The following IGSF10 variants were observed in gnomAD, a reference collection of about 807,000 sequenced individuals.
IGSF10 encodes the protein immunoglobulin superfamily member 10.
A neutral mutation model predicts 128.2 loss-of-function variants in IGSF10; 126 were observed. The observed-to-expected ratio is 0.98, with a 90% CI of 0.85 to 1.14. IGSF10 has a LOEUF of 1.14. IGSF10 is among the 50% of genes most tolerant of loss of function. IGSF10 has a pLI of 0.00. For missense variants in IGSF10, 3,295 were observed against 3,149.8 expected (o/e 1.05, Z -1.10); for synonymous variants, 1,185 against 1,146.2 (o/e 1.03, Z -0.68).
the IGSF10 span, among the ~76,000 whole-genome samples, chr3:151,562,895 G>T: frequency 6.6e-6 from 1 of 152,196 alleles, no homozygotes. Flanking sequence ...CACTTGTAAA[G>T]ATCATGGAGT....
intron 7 of IGSF10, 76 bp downstream of exon 7, chr3:151,442,908 G>T: frequency 1.5e-6 from 2 of 1,349,400 alleles, no homozygotes; most frequent in Non-Finnish European, 2.0e-6. Context: ...GCCTCACTGT[G>T]TCACTTTTTC....
At chr3:151,619,709 A>G in the IGSF10 span, among the ~76,000 whole-genome samples, 57 of 152,110 alleles carry the variant, frequency 3.7e-4, no homozygotes, top group Non-Finnish European at 7.6e-4. Context: ...GGCAGGGTTG[A>G]GAGGTGGAAT....
chr3:151,531,855 G>A, the IGSF10 span, among the ~76,000 whole-genome samples: 1 of 152,016 alleles, frequency 6.6e-6, no homozygotes, highest in Non-Finnish European at 1.5e-5. Flanking sequence ...GAAGGAGATA[G>A]AGACCTGAAA....
chr3:151,535,667 CATATAT>C, the IGSF10 span, among the ~76,000 whole-genome samples: 10 of 151,922 alleles, frequency 6.6e-5, no homozygotes, highest in South Asian at 8.3e-4. Context: ...CAATAAATTA[CATATAT>C]ATAAAGTATG....
At position 151,443,308 on chromosome 3, in the gene IGSF10, T is replaced by G; in HGVS notation, c.5639A>C (p.Asp1880Ala). The part of the protein sequence containing the change: ...PQPSVYWVLS[D>A]GTEVKPLQFT... ...CTGTAATGGTTTCACTTCAGTGCCATCAGAGAGGACCCAGTAAACGCTGGG... is the reference window on the plus strand; with the variant it reads ...CTGTAATGGTTTCACTTCAGTGCCAGCAGAGAGGACCCAGTAAACGCTGGG... Residue 1880 changes from aspartate to alanine, a missense_variant, in exon 7 of 8, where the codon GAT (aspartate) becomes GCT (alanine). Coordinates refer to ENST00000282466, the MANE Select transcript of IGSF10 (RefSeq NM_178822.5). 1 of 1,614,150 alleles carries G rather than the reference T, an allele frequency of 6.2e-7. No homozygotes were observed. The highest frequency in any genetic ancestry group is 8.5e-7 in the Non-Finnish European group (1 of 1,179,984).
chr3:151,463,525 T>TG (rs1560185415), upstream of IGSF10, among the ~76,000 whole-genome samples: 19 of 50,532 alleles, frequency 3.8e-4, no homozygotes, highest in Non-Finnish European at 6.4e-4. Context: ...ATTTTCTGGT[T>TG]TTTTTTTTTT....
Position 151,448,551 on chromosome 3 carries a change from C to G in IGSF10, c.1430G>C (p.Arg477Thr). 6.2e-7 allele frequency: 1 copy of G among 1,614,200 alleles called. No homozygotes were observed. Among genetic ancestry groups the G allele is most frequent in the South Asian group, 1.1e-5 (1 of 91,080 alleles). Residue 477 changes from arginine (R) to threonine (T), a missense_variant, in exon 6 of 8, where the codon AGG (arginine) becomes ACG (threonine). Arg to Thr is a moderately conservative substitution (Grantham distance 71, BLOSUM62 -1). Coordinates refer to ENST00000282466, the MANE Select transcript of IGSF10 (RefSeq NM_178822.5). The part of the protein sequence containing the change: ...PVKHKWTMIS[R>T]DNNTKLEHTV... ...ATGTTCCAGCTTAGTATTGTTATCCCTTGAAATCATAGTCCATTTGTGTTT... is the reference window on the plus strand; with the variant it reads ...ATGTTCCAGCTTAGTATTGTTATCCGTTGAAATCATAGTCCATTTGTGTTT...
the IGSF10 span, among the ~76,000 whole-genome samples, chr3:151,568,495 G>A: frequency 5.3e-5 from 8 of 152,178 alleles, no homozygotes; most frequent in East Asian, 1.9e-4. Flanking sequence ...CCTGAATCAC[G>A]ATTTGATTTA....
the IGSF10 span, among the ~76,000 whole-genome samples, chr3:151,525,472 C>G: frequency 1.3e-5 from 2 of 151,628 alleles, no homozygotes; most frequent in Admixed American, 6.6e-5. Flanking sequence ...TAAAAGAACA[C>G]AAGTCTATTA....
the IGSF10 span, among the ~76,000 whole-genome samples, chr3:151,562,392 G>T: frequency 5.9e-5 from 9 of 152,128 alleles, no homozygotes; most frequent in Non-Finnish European, 1.2e-4. Flanking sequence ...TGCCTATGGA[G>T]TAGCCATTCT....
chr3:151,562,537 T>C, the IGSF10 span, among the ~76,000 whole-genome samples: 698 of 152,232 alleles, frequency 4.6e-3, 4 homozygotes, highest in African/African-American at 0.016. Context: ...AGTTTTACTC[T>C]AGTATAAAGA....
In IGSF10 at chr3:151,460,267, T is replaced by C; in HGVS notation, c.-8A>G. On this transcript the variant is annotated 5_prime_UTR_variant, in exon 2 of 8. Transcript: ENST00000282466. ...AAATAGGAATTGGCAATACCTGAGC[T>C]CTTCTTTCAGGTCCTGAGTCCTCTT... is the stretch of plus-strand genomic sequence containing the variant. 1.0e-6 allele frequency: 1 copy of C among 957,262 alleles called. No individual in the cohort carries two copies. The highest frequency in any genetic ancestry group is 1.2e-6 in the Non-Finnish European group (1 of 804,206). The allele number at this position is 957,262 out of a possible 1,614,324, so 59.3% of individuals were successfully genotyped here.
At position 151,446,926 on chromosome 3, in the gene IGSF10, T is replaced by G; in HGVS notation, c.3055A>C (p.Arg1019=). 4 of 1,614,192 alleles carry G rather than the reference T, an allele frequency of 2.5e-6. No homozygotes were observed. Among genetic ancestry groups the G allele is most frequent in the Non-Finnish European group, 3.4e-6 (4 of 1,180,014 alleles). Residue 1019 remains arginine, a synonymous_variant, in exon 6 of 8, where the codon AGG becomes CGG. Coordinates refer to ENST00000282466, the MANE Select transcript of IGSF10 (RefSeq NM_178822.5). ...CTATATGGGCTGATAATCCGCCCCCTTCCGCCAATTTTCCTCTGCCTCCCA... is the reference window on the plus strand; with the variant it reads ...CTATATGGGCTGATAATCCGCCCCCGTCCGCCAATTTTCCTCTGCCTCCCA... ...RFGRQRKIGG[R]GRIISPYRTP... is the part of the protein sequence containing the mutation.
Position 151,458,688 on chromosome 3 carries a change from T to C in IGSF10, c.22A>G (p.Ile8Val). The change falls in exon 3 of 8, where the codon ATC becomes GTC. Residue 8 changes from isoleucine (I) to valine (V), a missense_variant. Transcript: ENST00000282466. The stretch of plus-strand genomic sequence containing the variant: ...GCAAAGGAGACCAGCAAGCAGGTGA[T>C]TCCTCTGCCTTTTACCTTCATCCTG... MKVKGRG[I>V]TCLLVSFAVI... 1.9e-6 allele frequency: 3 copies of C among 1,613,526 alleles called. No homozygotes were observed. The highest frequency in any genetic ancestry group is 2.2e-5 in the East Asian group (1 of 44,872).
At chr3:151,617,357 CCTT>C in the IGSF10 span, among the ~76,000 whole-genome samples, 1 of 145,448 alleles carries the variant, frequency 6.9e-6, no homozygotes, top group Non-Finnish European at 1.5e-5. Flanking sequence ...TCCTCCTCCT[CCTT>C]CTCCTTCTTC....
intron 7 of IGSF10, 46 bp downstream of exon 7, chr3:151,442,938 C>G (rs745764400): frequency 6.5e-7 from 1 of 1,537,652 alleles, no homozygotes; most frequent in Non-Finnish European, 8.8e-7. Flanking sequence ...AGTTGTACAG[C>G]TAAATACATA....
chr3:151,460,248 G>C lies in IGSF10; in HGVS notation c.-2+13C>G, dbSNP rs1721989838. On this transcript the variant is annotated intron_variant, in intron 2 of 7. Transcript: ENST00000282466. ...GCTGAAAATGTACATAATGAAATAG[G>C]AATTGGCAATACCTGAGCTCTTCTT... is the stretch of plus-strand genomic sequence containing the variant. The C allele has an allele frequency of 1.2e-6, 1 of 839,904 alleles. No homozygotes were observed. Among genetic ancestry groups the C allele is most frequent in the African/African-American group, 1.8e-5 (1 of 54,194 alleles). 52.0% of individuals were successfully genotyped at this position (839,904 alleles called of 1,614,324 possible).
chr3:151,531,518 G>A, the IGSF10 span, among the ~76,000 whole-genome samples: 20 of 152,236 alleles, frequency 1.3e-4, no homozygotes, highest in East Asian at 3.7e-3. Flanking sequence ...TTAGAACTCA[G>A]GATTAAGAAA....
the IGSF10 span, among the ~76,000 whole-genome samples, chr3:151,497,005 C>T: frequency 6.6e-6 from 1 of 152,118 alleles, no homozygotes; most frequent in Non-Finnish European, 1.5e-5. Context: ...TCATATCCTT[C>T]ACCCACTTGT....
Sources: allele counts gnomAD v4.1 joint callset (sites outside exome capture counted in the v4.1 genomes callset), GRCh38; gene constraint gnomAD v4.1.1; transcripts MANE v1.5; gene names NCBI Gene and HGNC (gene_info 2026-07-23, HGNC 2026-07-21).